Variants in HPSE2 observed in about 807,000 individuals in gnomAD.
HPSE2 encodes heparanase 2 (inactive).
In HPSE2, 38 loss-of-function variants were observed where a neutral mutation model predicts 60.5. The ratio of observed to expected loss-of-function variants is 0.63; its 90% CI spans 0.48 to 0.82. The LOEUF (loss-of-function observed/expected upper bound fraction) is 0.82. Ranked by LOEUF, HPSE2 falls within the 40% of genes least tolerant of loss-of-function variation. HPSE2 has a pLI of 0.00. For synonymous variants in HPSE2, 295 were observed against 293.2 expected, an observed-to-expected ratio of 1.01 and a Z score of -0.06; for missense variants, 713 against 740.4, an observed-to-expected ratio of 0.96 and a Z score of 0.43.
At chr10:98,994,898 C>A (rs1398221671) in intron 3 of HPSE2, among the ~76,000 whole-genome samples, 1 of 151,818 alleles carries the variant, frequency 6.6e-6, no homozygotes, top group African/African-American at 2.4e-5. Context: ...AAAGTCAAGC[C>A]AAGGGTAGGG....
intron 3 of HPSE2, among the ~76,000 whole-genome samples, chr10:98,932,291 A>G (rs1212485450): frequency 6.9e-6 from 1 of 144,334 alleles, no homozygotes. Flanking sequence ...GCATATATTG[A>G]ACCAGCCTTG....
At chr10:99,037,072 C>T (rs957215867) in intron 3 of HPSE2, among the ~76,000 whole-genome samples, 6 of 152,010 alleles carry the variant, frequency 3.9e-5, no homozygotes, top group Admixed American at 1.3e-4. Context: ...GGTAAACTTC[C>T]CAAAAATCCA....
chr10:98,539,246 G>A (rs1254750005), intron 9 of HPSE2, among the ~76,000 whole-genome samples: 1 of 152,232 alleles, frequency 6.6e-6, no homozygotes, highest in African/African-American at 2.4e-5. Flanking sequence ...GTTAGGCTGG[G>A]CACTGTGGCT....
At position 98,569,294 on chromosome 10, in the gene HPSE2, C is replaced by T. The variant is rs552912084; in HGVS notation, c.1320+45610G>A. On this transcript the variant is annotated intron_variant, in intron 9 of 11. Coordinates refer to ENST00000370552, the MANE Select transcript of HPSE2 (RefSeq NM_021828.5). ...CAGGCTGGTCTTGGACTCCTGACCT[C>T]AGGTGATCCACCCACCTTGGCCCCC... 9.9e-5 allele frequency among the ~76,000 whole-genome samples: 15 copies of T among 152,034 alleles called. 1 individual carries two copies. The highest frequency in any genetic ancestry group is 6.3e-4 in the South Asian group (3 of 4,800).
chr10:98,466,174 A>G (rs1940520632), intron 11 of HPSE2, among the ~76,000 whole-genome samples: 1 of 152,230 alleles, frequency 6.6e-6, no homozygotes, highest in Non-Finnish European at 1.5e-5. Context: ...AAGCTTGAAG[A>G]TAATTTTCTG....
At chr10:98,822,764 T>G (rs1422621340) in intron 3 of HPSE2, among the ~76,000 whole-genome samples, 1 of 152,228 alleles carries the variant, frequency 6.6e-6, no homozygotes, top group African/African-American at 2.4e-5. Flanking sequence ...GGAAGTTGTA[T>G]GTACCTATAT....
At chr10:98,685,705 T>C (rs943130523) in intron 6 of HPSE2, among the ~76,000 whole-genome samples, 5 of 152,206 alleles carry the variant, frequency 3.3e-5, no homozygotes, top group African/African-American at 1.2e-4. Context: ...AAAACTGCTA[T>C]AAACATCTTG....
intron 3 of HPSE2, among the ~76,000 whole-genome samples, chr10:98,923,143 C>T (rs887637250): frequency 6.6e-6 from 1 of 152,144 alleles, no homozygotes; most frequent in African/African-American, 2.4e-5. Flanking sequence ...CTCCTTCAGG[C>T]TTAAAGGATA....
intron 3 of HPSE2, among the ~76,000 whole-genome samples, chr10:99,011,369 A>G (rs1957010122): frequency 6.6e-6 from 1 of 152,112 alleles, no homozygotes; most frequent in African/African-American, 2.4e-5. Context: ...ATTCAATAAA[A>G]TCTTCTTGAA....
chr10:99,116,688 C>T (rs10786508), intron 3 of HPSE2, among the ~76,000 whole-genome samples: 74,687 of 151,992 alleles, frequency 0.49, 20,800 homozygotes, highest in East Asian at 0.65. Flanking sequence ...TGAAAAAGTG[C>T]CCTGTGAGAC....
At chr10:98,713,535 A>C (rs1948723913) in intron 5 of HPSE2, among the ~76,000 whole-genome samples, 1 of 151,914 alleles carries the variant, frequency 6.6e-6, no homozygotes, top group South Asian at 2.1e-4. Context: ...GTGGAACATT[A>C]ATCCCTCAAG....
the HPSE2 span, among the ~76,000 whole-genome samples, chr10:99,315,730 T>A: frequency 1.8e-4 from 27 of 152,308 alleles, 1 homozygote; most frequent in East Asian, 1.4e-3. Context: ...AATCTCTTCC[T>A]CAGTTCCATA....
At chr10:99,125,065 C>T (rs917929556) in intron 3 of HPSE2, among the ~76,000 whole-genome samples, 4 of 152,216 alleles carry the variant, frequency 2.6e-5, no homozygotes, top group African/African-American at 7.2e-5. Flanking sequence ...TCAGCAAATG[C>T]TGTTGAAAGT....
intron 9 of HPSE2, among the ~76,000 whole-genome samples, chr10:98,558,835 T>C (rs1217680795): frequency 3.9e-5 from 6 of 152,216 alleles, no homozygotes; most frequent in African/African-American, 1.4e-4. Context: ...AAAATACATA[T>C]TTCTGGCTTC....
chr10:98,698,237 G>A (rs1267901966), intron 5 of HPSE2, among the ~76,000 whole-genome samples: 1 of 145,658 alleles, frequency 6.9e-6, no homozygotes, highest in Admixed American at 7.1e-5. Context: ...CACATAGTTG[G>A]AAGTAAAGCT....
At chr10:98,656,994 C>T (rs562698880) in intron 6 of HPSE2, among the ~76,000 whole-genome samples, 13 of 152,180 alleles carry the variant, frequency 8.5e-5, no homozygotes, top group Admixed American at 5.9e-4. Context: ...AACTCCTGAC[C>T]TCAGCTGATC....
chr10:99,287,618 T>C, the HPSE2 span, among the ~76,000 whole-genome samples: 3 of 152,174 alleles, frequency 2.0e-5, no homozygotes. Context: ...TCCTCTTAAA[T>C]GGAGATCTGA....
At chr10:99,246,851 T>G in the HPSE2 span, among the ~76,000 whole-genome samples, 1 of 152,250 alleles carries the variant, frequency 6.6e-6, no homozygotes, top group Admixed American at 6.5e-5. Flanking sequence ...TTTCTTTTTA[T>G]GTGTCCAGTT....
At chr10:99,188,848 A>G (rs1286578824) in intron 2 of HPSE2, among the ~76,000 whole-genome samples, 1 of 152,208 alleles carries the variant, frequency 6.6e-6, no homozygotes, top group Non-Finnish European at 1.5e-5. Context: ...AAACTCCCTG[A>G]GCTCCTCATG....
Sources: gnomAD v4.1 joint callset for allele counts (sites outside exome capture counted in the v4.1 genomes callset) on GRCh38, gnomAD v4.1.1 for gene constraint, MANE v1.5 for transcripts, NCBI Gene and HGNC (gene_info 2026-07-23, HGNC 2026-07-21) for gene names.